Variants in KCNN1 observed in about 807,000 individuals in gnomAD.
The protein encoded by KCNN1 is small conductance calcium-activated potassium channel protein 1.
A neutral mutation model predicts 44.7 loss-of-function variants in KCNN1; 20 were observed. The observed-to-expected ratio is 0.45, with a 90% confidence interval of 0.32 to 0.65. The LOEUF is 0.65. Ranked by LOEUF, KCNN1 falls within the 30% of genes least tolerant of loss-of-function variation. KCNN1 has a pLI of 0.05. For missense variants in KCNN1, 632 were observed against 785.3 expected (o/e 0.80, Z 2.33); for synonymous variants, 324 against 341.7 (o/e 0.95, Z 0.57).
intron 2 of KCNN1, among the ~76,000 whole-genome samples, chr19:17,957,519 G>A (rs2031575313): frequency 6.6e-6 from 1 of 152,134 alleles, no homozygotes; most frequent in South Asian, 2.1e-4. Flanking sequence ...AGGAAGAGGA[G>A]GAACTGGCCT....
intron 3 of KCNN1, among the ~76,000 whole-genome samples, chr19:17,979,246 A>G (rs1274209967): frequency 6.6e-6 from 1 of 151,180 alleles, no homozygotes; most frequent in East Asian, 2.0e-4. Flanking sequence ...ATCCTGGCTA[A>G]CACGGTGAAA....
intron 9 of KCNN1, among the ~76,000 whole-genome samples, chr19:17,995,558 C>T (rs1309088254): frequency 1.3e-5 from 2 of 151,844 alleles, no homozygotes; most frequent in Admixed American, 6.6e-5. Context: ...GGGGTGCTGA[C>T]CCCTTAAAAG....
chr19:17,989,818 C>T lies in KCNN1; in HGVS notation c.1273C>T (p.Arg425Cys), dbSNP rs957015610. 3.1e-6 allele frequency: 5 copies of T among 1,613,744 alleles called. No homozygotes were observed. The highest frequency in any genetic ancestry group is 1.7e-5 in the Admixed American group (1 of 59,856). ...CCAAGCCCGGGTTCGGAAACACCAG[C>T]GTAAGTTCCTCCAAGCCATCCATCA... ...PDQARVRKHQ[R>C]KFLQAIHQAQ... Residue 425 changes from arginine (R) to cysteine (C), a missense_variant, in exon 7 of 10, where the codon CGT (arginine) becomes TGT (cysteine). Arg to Cys is a radical substitution (Grantham distance 180). Coordinates refer to ENST00000684775, the MANE Select transcript of KCNN1 (RefSeq NM_001386974.1).
intron 5 of KCNN1, among the ~76,000 whole-genome samples, chr19:17,986,735 G>T (rs2032611622): frequency 6.6e-6 from 1 of 152,058 alleles, no homozygotes; most frequent in South Asian, 2.1e-4. Context: ...GGGCTCAAGT[G>T]ATCCTCCTGC....
At chr19:17,966,934 AG>A, upstream of KCNN1, among the ~76,000 whole-genome samples, 1 of 104,748 alleles carries the variant, frequency 9.5e-6, no homozygotes, top group Non-Finnish European at 2.0e-5. Context: ...ATGGGGCAAG[AG>A]GGGGAGTTCG....
At chr19:17,986,872 T>A (rs1262143071) in intron 5 of KCNN1, among the ~76,000 whole-genome samples, 2 of 152,112 alleles carry the variant, frequency 1.3e-5, no homozygotes, top group African/African-American at 4.8e-5. Flanking sequence ...AACGGCACGA[T>A]CCCAGCTCAC....
upstream of KCNN1, among the ~76,000 whole-genome samples, chr19:17,966,026 T>TGCC (rs1374162846): frequency 0.063 from 527 of 8,352 alleles, 2 homozygotes; most frequent in African/African-American, 0.095. Flanking sequence ...CCTGCCTGCC[T>TGCC]TCCTTCCTTC....
intron 5 of KCNN1, among the ~76,000 whole-genome samples, chr19:17,987,085 G>C (rs1362049119): frequency 6.6e-6 from 1 of 150,998 alleles, no homozygotes; most frequent in African/African-American, 2.4e-5. Context: ...GGGATTACAG[G>C]CATGACGCCA....
chr19:17,958,167 C>T (rs2031588603), intron 2 of KCNN1, among the ~76,000 whole-genome samples: 1 of 152,016 alleles, frequency 6.6e-6, no homozygotes, highest in Non-Finnish European at 1.5e-5. Context: ...CAGGGGATCA[C>T]TGAGCACCCA....
At chr19:17,959,967 C>T (rs1401862255) in intron 2 of KCNN1, among the ~76,000 whole-genome samples, 1 of 151,890 alleles carries the variant, frequency 6.6e-6, no homozygotes, top group Non-Finnish European at 1.5e-5. Flanking sequence ...CCTGTAATCC[C>T]AGCTACTCAG....
At chr19:17,955,621 A>G (rs1488152965) in intron 2 of KCNN1, among the ~76,000 whole-genome samples, 1 of 150,824 alleles carries the variant, frequency 6.6e-6, no homozygotes, top group African/African-American at 2.4e-5. Context: ...TTATTATATC[A>G]TATATATCAT....
intron 3 of KCNN1, among the ~76,000 whole-genome samples, chr19:17,978,255 T>C (rs995750584): frequency 6.7e-6 from 1 of 149,322 alleles, no homozygotes; most frequent in Non-Finnish European, 1.5e-5. Context: ...GCCTCCTGAG[T>C]AGCTGGGATT....
In KCNN1 at chr19:17,997,341, G is replaced by A. The variant is rs538868937; in HGVS notation, c.1378-811G>A. Reference sequence around the variant, plus strand: ...CTGCTGTTCCCCAGCCTGGAGCAACGTCAGCCCCAAACATCCCCCAGGTCT... The same window carrying A: ...CTGCTGTTCCCCAGCCTGGAGCAACATCAGCCCCAAACATCCCCCAGGTCT... On this transcript the variant is annotated intron_variant, in intron 9 of 9. Coordinates refer to ENST00000684775, the MANE Select transcript of KCNN1 (RefSeq NM_001386974.1). Among the ~76,000 whole-genome samples, 19 of 152,138 alleles carry A rather than the reference G, an allele frequency of 1.2e-4. 1 individual carries two copies. The South Asian group carries it at 3.1e-3, about 25-fold the overall frequency.
At chr19:17,994,281 C>CA (rs2032905956) in intron 9 of KCNN1, among the ~76,000 whole-genome samples, 1 of 151,488 alleles carries the variant, frequency 6.6e-6, no homozygotes, top group African/African-American at 2.4e-5. Context: ...CCCATCTGTA[C>CA]AAAAAGAATA....
chr19:17,952,976 A>G lies in KCNN1; in HGVS notation c.-203+1567A>G, dbSNP rs575635784. Among the ~76,000 whole-genome samples the G allele has an allele frequency of 1.2e-3, 181 of 152,158 alleles. 1 individual carries two copies. The highest frequency in any genetic ancestry group is 3.9e-3 in the African/African-American group (162 of 41,518). ...CACGAATCCCGGGACCCAGCTGGGG[A>G]GGTCAGCTTTGGGATCCTCTGCCCC... On this transcript the variant is annotated intron_variant, in intron 1 of 10. Transcript: ENST00000222249.
Position 17,998,003 on chromosome 19 carries a change from C to A in KCNN1, c.1378-149C>A. 1 of 837,342 alleles carries A rather than the reference C, an allele frequency of 1.2e-6. No individual in the cohort carries two copies. Among genetic ancestry groups the A allele is most frequent in the Non-Finnish European group, 1.7e-6 (1 of 572,026 alleles). The allele number at this position is 837,342 out of a possible 1,614,324, so 51.9% of individuals were successfully genotyped here. ...AGGGACCTCTGGGGCTGGGGGTATC[C>A]TCCCAGCCACCCCTCACACGGGCCC... On this transcript the variant is annotated intron_variant, in intron 9 of 9. Coordinates refer to ENST00000684775, the MANE Select transcript of KCNN1 (RefSeq NM_001386974.1). The surrounding 1 kb of genome is among the most constrained non-coding windows in gnomAD (Gnocchi z 5.4).
rs900093718 is a variant in KCNN1, at chr19:17,959,712, T to TA, written c.-82+5038dup. On this transcript the variant is annotated intron_variant, in intron 2 of 10. Coordinates refer to the KCNN1 transcript ENST00000222249. ...GCCATGGGACCCTGTCTCTTAAAAA[T>TA]AAAAAAATGATTCCCTCTAGGTGGG... is the stretch of plus-strand genomic sequence containing the variant. Among the ~76,000 whole-genome samples, 15 of 152,076 alleles carry TA rather than the reference T, an allele frequency of 9.9e-5. 2 individuals carry two copies. The highest frequency in any genetic ancestry group is 9.8e-4 in the Admixed American group (15 of 15,272).
intron 6 of KCNN1, 28 bp from the exon 7 acceptor site, chr19:17,989,688 T>C (rs370402013): frequency 9.9e-5 from 160 of 1,613,508 alleles, no homozygotes; most frequent in Non-Finnish European, 1.2e-4. Flanking sequence ...GCGCCAACCC[T>C]GAGGAATTGT....
chr19:17,990,248 T>G (rs2032741556), intron 7 of KCNN1, among the ~76,000 whole-genome samples: 1 of 151,776 alleles, frequency 6.6e-6, no homozygotes, highest in Admixed American at 6.6e-5. Context: ...CCCAGCACTT[T>G]GGGAGGCAGG....
Sources: gnomAD v4.1 joint callset for allele counts (sites outside exome capture counted in the v4.1 genomes callset) on GRCh38, gnomAD v4.1.1 for gene constraint, Gnocchi (gnomAD v3.1) non-coding constraint, MANE v1.5 for transcripts, NCBI Gene and HGNC (gene_info 2026-07-23, HGNC 2026-07-21) for gene names.